The following PDE4D variants were observed in gnomAD, a reference collection of about 807,000 sequenced individuals.
The protein encoded by PDE4D is phosphodiesterase 4D.
PDE4D carries 24 observed loss-of-function variants against 87.4 expected under a neutral mutation model. The observed-to-expected ratio is 0.27, with a 90% CI of 0.20 to 0.39. The LOEUF (loss-of-function observed/expected upper bound fraction) is 0.39. Among genes scored for constraint, PDE4D ranks in the 10% least tolerant of loss-of-function variants. The pLI, the probability that PDE4D is intolerant of heterozygous loss-of-function variation, is 1.00. For missense variants in PDE4D, 714 were observed against 1,041.0 expected (o/e 0.69, Z 4.32); for synonymous variants, 384 against 383.2 (o/e 1.00, Z -0.02).
chr5:60,264,155 C>T (rs1227533376), intron 1 of PDE4D, among the ~76,000 whole-genome samples: 2 of 152,006 alleles, frequency 1.3e-5, no homozygotes, highest in Non-Finnish European at 2.9e-5. Context: ...GAAAACAAAG[C>T]TTTAGAAGTG....
intron 1 of PDE4D, among the ~76,000 whole-genome samples, chr5:59,730,830 G>A (rs989992007): frequency 3.4e-4 from 51 of 152,156 alleles, no homozygotes; most frequent in Admixed American, 2.0e-3. Flanking sequence ...TGATTGTGCA[G>A]AAAGTGAAAA....
chr5:59,402,718 A>G (rs970002449), intron 1 of PDE4D, among the ~76,000 whole-genome samples: 1 of 152,184 alleles, frequency 6.6e-6, no homozygotes, highest in African/African-American at 2.4e-5. Flanking sequence ...TTGTATGCAC[A>G]GGGCTTAGAA....
chr5:60,007,980 A>G (rs1764649974), intron 2 of PDE4D, among the ~76,000 whole-genome samples: 1 of 152,034 alleles, frequency 6.6e-6, no homozygotes, highest in African/African-American at 2.4e-5. Flanking sequence ...GTGGCTGAGT[A>G]CAAACATTGT....
chr5:59,602,446 T>C (rs1474096654), intron 1 of PDE4D, among the ~76,000 whole-genome samples: 1 of 152,036 alleles, frequency 6.6e-6, no homozygotes, highest in Non-Finnish European at 1.5e-5. Context: ...TCAGTAGTGT[T>C]GATATACACT....
intron 2 of PDE4D, among the ~76,000 whole-genome samples, chr5:59,207,177 ACT>A (rs1748985311): frequency 6.6e-6 from 1 of 151,716 alleles, no homozygotes; most frequent in Admixed American, 6.6e-5. Flanking sequence ...ATAGAGTGAG[ACT>A]CTGTCTCAAA....
At chr5:60,408,072 C>T (rs1283794860) in intron 1 of PDE4D, among the ~76,000 whole-genome samples, 1 of 152,126 alleles carries the variant, frequency 6.6e-6, no homozygotes, top group Non-Finnish European at 1.5e-5. Context: ...CACTAAGCCA[C>T]ACGGAGCCAT....
At chr5:59,603,647 A>G (rs1052230871) in intron 1 of PDE4D, among the ~76,000 whole-genome samples, 3 of 152,008 alleles carry the variant, frequency 2.0e-5, no homozygotes, top group Non-Finnish European at 4.4e-5. Flanking sequence ...ACTACTAGGT[A>G]TATATCCAGA....
At chr5:59,189,884 T>A (rs1743921334) in intron 3 of PDE4D, among the ~76,000 whole-genome samples, 1 of 152,228 alleles carries the variant, frequency 6.6e-6, no homozygotes, top group Admixed American at 6.5e-5. Flanking sequence ...GAGTTTAGGT[T>A]AAACACCAGC....
intron 1 of PDE4D, among the ~76,000 whole-genome samples, chr5:59,296,745 C>G (rs1330895796): frequency 6.6e-6 from 1 of 150,708 alleles, no homozygotes; most frequent in African/African-American, 2.5e-5. Flanking sequence ...AATATTAATT[C>G]AGGAGCTGGT....
intron 3 of PDE4D, among the ~76,000 whole-genome samples, chr5:59,962,415 C>T (rs74773036): frequency 0.026 from 3,890 of 151,926 alleles, 163 homozygotes; most frequent in African/African-American, 0.09. Context: ...AGTGACACTT[C>T]GATGACAAAC....
intron 2 of PDE4D, among the ~76,000 whole-genome samples, chr5:59,202,436 G>C (rs1345532314): frequency 6.6e-6 from 1 of 152,124 alleles, no homozygotes; most frequent in Non-Finnish European, 1.5e-5. Context: ...ATTCACAGCT[G>C]ACTGCAGCCT....
intron 1 of PDE4D, among the ~76,000 whole-genome samples, chr5:59,371,913 G>A (rs1425808089): frequency 1.3e-5 from 2 of 152,166 alleles, no homozygotes; most frequent in Non-Finnish European, 2.9e-5. Flanking sequence ...AGTGGTATAT[G>A]CTCATGTTCT....
chr5:59,011,949 T>G (rs1412384391), intron 6 of PDE4D, among the ~76,000 whole-genome samples: 1 of 152,182 alleles, frequency 6.6e-6, no homozygotes, highest in Non-Finnish European at 1.5e-5. Context: ...GACTTACAGC[T>G]GATCTCTCAG....
At chr5:59,223,405 T>C (rs984932397) in intron 1 of PDE4D, among the ~76,000 whole-genome samples, 5 of 152,072 alleles carry the variant, frequency 3.3e-5, no homozygotes, top group African/African-American at 1.2e-4. Flanking sequence ...TATATTCCTG[T>C]ACTCCACTCT....
chr5:59,524,734 G>A (rs1416934047), intron 1 of PDE4D, among the ~76,000 whole-genome samples: 3 of 152,134 alleles, frequency 2.0e-5, no homozygotes, highest in African/African-American at 7.2e-5. Flanking sequence ...TTTGTGGGGT[G>A]GGCCTAGGGT....
chr5:60,374,657 G>C (rs1761294343), intron 1 of PDE4D, among the ~76,000 whole-genome samples: 1 of 152,150 alleles, frequency 6.6e-6, no homozygotes, highest in Non-Finnish European at 1.5e-5. Context: ...AATAGAGCAA[G>C]CACAGGTCAC....
At chr5:60,104,729 C>T (rs577334265) in intron 2 of PDE4D, among the ~76,000 whole-genome samples, 3 of 152,276 alleles carry the variant, frequency 2.0e-5, no homozygotes, top group East Asian at 1.9e-4. Flanking sequence ...CTGCAGACAC[C>T]GCTACTGATA....
intron 2 of PDE4D, among the ~76,000 whole-genome samples, chr5:60,059,611 A>G (rs1191585281): frequency 1.3e-5 from 2 of 152,044 alleles, no homozygotes; most frequent in African/African-American, 4.8e-5. Flanking sequence ...ACTGAGAGAG[A>G]GAAATTGCCT....
intron 1 of PDE4D, chr5:60,487,686 AAAAC>A (rs1749264498): frequency 6.6e-6 from 1 of 152,220 alleles, no homozygotes; most frequent in African/African-American, 2.4e-5. Context: ...CTGACCCCAT[AAAAC>A]AAACAGAGCT....
Sources: allele counts gnomAD v4.1 joint callset (sites outside exome capture counted in the v4.1 genomes callset), GRCh38; gene constraint gnomAD v4.1.1; transcripts MANE v1.5; gene names NCBI Gene and HGNC (gene_info 2026-07-23, HGNC 2026-07-21).